The following NLGN4X variants were observed in gnomAD, a reference collection of about 807,000 sequenced individuals.
NLGN4X encodes the protein neuroligin-4, X-linked.
In NLGN4X, 3 loss-of-function variants were observed where a neutral mutation model predicts 40.3. The ratio of observed to expected loss-of-function variants is 0.07; its 90% confidence interval spans 0.03 to 0.19. NLGN4X has a LOEUF of 0.19. Ranked by LOEUF, NLGN4X falls within the 10% of genes least tolerant of loss-of-function variation. The pLI is 1.00. For synonymous variants in NLGN4X, 270 were observed against 306.8 expected, an observed-to-expected ratio of 0.88 and a Z score of 1.25; for missense variants, 382 against 708.3, an observed-to-expected ratio of 0.54 and a Z score of 5.23.
intron 3 of NLGN4X, among the ~76,000 whole-genome samples, chrX:6,028,892 A>G (rs1337768170): frequency 8.9e-6 from 1 of 111,791 alleles, no homozygotes; most frequent in Non-Finnish European, 1.9e-5. Context: ...CACACAATAT[A>G]CTGATTCATA....
intron 2 of NLGN4X, among the ~76,000 whole-genome samples, chrX:6,039,556 C>T (rs1165791310): frequency 8.9e-6 from 1 of 112,191 alleles, no homozygotes; most frequent in African/African-American, 3.2e-5. Flanking sequence ...TAGATACTGG[C>T]ATATTTCTTT....
At chrX:6,225,689 C>CTTTT (rs749574818) in intron 1 of NLGN4X, among the ~76,000 whole-genome samples, 167 of 26,710 alleles carry the variant, frequency 6.3e-3, no homozygotes, top group South Asian at 0.02. Flanking sequence ...TTCTTTTTTT[C>CTTTT]TTTTTTTTTT....
intron 3 of NLGN4X, among the ~76,000 whole-genome samples, chrX:5,923,233 G>C (rs894690378): frequency 8.9e-6 from 1 of 112,212 alleles, no homozygotes; most frequent in Admixed American, 9.4e-5. Context: ...AAGCAATCCT[G>C]TGCTCAAGCA....
In NLGN4X at chrX:6,031,310, C is replaced by T. The variant is rs1445311403; in HGVS notation, c.473-1878G>A. ...CAATACTGATAAAATGTCAGGCATT[C>T]AGAAGCCCTTATCAAAGAAGGGGCT... On this transcript the variant is annotated intron_variant, in intron 2 of 5. Transcript: ENST00000381095. 2.7e-5 allele frequency among the ~76,000 whole-genome samples: 3 copies of T among 111,670 alleles called. 1 individual carries two copies. The highest frequency in any genetic ancestry group is 9.8e-5 in the African/African-American group (3 of 30,722).
At chrX:5,993,147 G>C (rs868156705) in intron 3 of NLGN4X, among the ~76,000 whole-genome samples, 1 of 110,409 alleles carries the variant, frequency 9.1e-6, no homozygotes. Context: ...TTGTTCTCGT[G>C]GGCTGTCCTC....
chrX:6,031,482 T>C (rs2036855108), intron 2 of NLGN4X, among the ~76,000 whole-genome samples: 1 of 111,015 alleles, frequency 9.0e-6, no homozygotes, highest in Admixed American at 9.6e-5. Flanking sequence ...AGCAAGGGTG[T>C]TGGCAAGATT....
intron 1 of NLGN4X, among the ~76,000 whole-genome samples, chrX:6,214,999 C>T (rs1924944309): frequency 8.9e-6 from 1 of 112,167 alleles, no homozygotes; most frequent in Non-Finnish European, 1.9e-5. Flanking sequence ...TTCCCACCAA[C>T]AAGTTCAGCT....
intron 2 of NLGN4X, among the ~76,000 whole-genome samples, chrX:6,122,556 C>T (rs1198463211): frequency 9.1e-6 from 1 of 110,264 alleles, no homozygotes; most frequent in African/African-American, 3.3e-5. Flanking sequence ...TTTGATTGCC[C>T]ATTGGACACT....
chrX:6,031,301 T>C (rs950580777), intron 2 of NLGN4X, among the ~76,000 whole-genome samples: 8 of 111,738 alleles, frequency 7.2e-5, no homozygotes, highest in African/African-American at 2.6e-4. Context: ...TGATAAAATG[T>C]CAGGCATTCA....
At chrX:6,083,086 G>A (rs763282258) in intron 2 of NLGN4X, among the ~76,000 whole-genome samples, 94 of 102,416 alleles carry the variant, frequency 9.2e-4, no homozygotes, top group African/African-American at 3.2e-3. Context: ...AGCCTCCCGA[G>A]TAGCTGGGAC....
At chrX:6,081,133 C>T (rs5916290) in intron 2 of NLGN4X, among the ~76,000 whole-genome samples, 2 of 110,154 alleles carry the variant, frequency 1.8e-5, no homozygotes, top group African/African-American at 6.6e-5. Context: ...TACCAAAAAA[C>T]AAAAATTATC....
At chrX:6,074,317 A>C (rs1208871930) in intron 2 of NLGN4X, among the ~76,000 whole-genome samples, 3 of 111,698 alleles carry the variant, frequency 2.7e-5, no homozygotes, top group Non-Finnish European at 5.6e-5. Context: ...CATGGTTCCT[A>C]GAGTGAACAG....
chrX:6,198,643 C>T (rs1268322746), intron 1 of NLGN4X, among the ~76,000 whole-genome samples: 1 of 111,561 alleles, frequency 9.0e-6, no homozygotes, highest in Non-Finnish European at 1.9e-5. Flanking sequence ...TAGACAGTGT[C>T]GTGCTCAGAA....
chrX:6,148,511 C>CTT (rs1569266029), intron 2 of NLGN4X, among the ~76,000 whole-genome samples: 2 of 110,860 alleles, frequency 1.8e-5, no homozygotes, highest in Non-Finnish European at 3.8e-5. Flanking sequence ...TGCATTGGTT[C>CTT]TTTTTTTGTT....
chrX:6,215,486 T>C (rs1462111951), intron 1 of NLGN4X, among the ~76,000 whole-genome samples: 1 of 107,705 alleles, frequency 9.3e-6, no homozygotes, highest in African/African-American at 3.4e-5. Context: ...GAGGCAGAGG[T>C]TGCGGTGAGC....
intron 5 of NLGN4X, among the ~76,000 whole-genome samples, chrX:5,901,133 C>G (rs2031836464): frequency 9.0e-6 from 1 of 111,487 alleles, no homozygotes; most frequent in Non-Finnish European, 1.9e-5. Context: ...ACTCCAAAAA[C>G]ATGCTGTACT....
chrX:6,045,991 A>G (rs1480991576), intron 2 of NLGN4X, among the ~76,000 whole-genome samples: 1 of 112,180 alleles, frequency 8.9e-6, no homozygotes, highest in East Asian at 2.8e-4. Flanking sequence ...TGAGTCACTT[A>G]TTATTTAGAA....
chrX:5,941,432 A>T (rs2033943685), intron 3 of NLGN4X, among the ~76,000 whole-genome samples: 1 of 111,588 alleles, frequency 9.0e-6, no homozygotes, highest in African/African-American at 3.3e-5. Flanking sequence ...ATCTCTTTGA[A>T]TAAAGTAAGT....
intron 3 of NLGN4X, among the ~76,000 whole-genome samples, chrX:5,918,609 C>T (rs1002462062): frequency 4.5e-5 from 5 of 112,202 alleles, no homozygotes; most frequent in African/African-American, 1.6e-4. Flanking sequence ...TGCTGGCTTG[C>T]CGCTTTAACC....
Sources: gnomAD v4.1 joint callset for allele counts (sites outside exome capture counted in the v4.1 genomes callset) on GRCh38, gnomAD v4.1.1 for gene constraint, MANE v1.5 for transcripts, NCBI Gene and HGNC (gene_info 2026-07-23, HGNC 2026-07-21) for gene names.